The following TSHZ1 variants were observed in gnomAD, a reference collection of about 807,000 sequenced individuals.
TSHZ1 encodes teashirt homolog 1.
TSHZ1 carries 12 observed loss-of-function variants against 67.1 expected under a neutral mutation model. That is an observed-to-expected ratio of 0.18 (90% CI 0.11 to 0.29). The LOEUF (loss-of-function observed/expected upper bound fraction) is 0.29. Among genes scored for constraint, TSHZ1 ranks in the 10% least tolerant of loss-of-function variants. TSHZ1 has a pLI of 1.00. For missense variants in TSHZ1, 1,305 were observed against 1,413.9 expected, an observed-to-expected ratio of 0.92 and a Z score of 1.23; for synonymous variants, 632 against 622.4, an observed-to-expected ratio of 1.02 and a Z score of -0.23.
chr18:75,235,814 C>T (rs2023060194), intron 1 of TSHZ1, among the ~76,000 whole-genome samples: 1 of 152,198 alleles, frequency 6.6e-6, no homozygotes. Flanking sequence ...CCATGCCTCC[C>T]CGTGGTTTGG....
At position 75,286,277 on chromosome 18, in the gene TSHZ1, G is replaced by A; in HGVS notation, c.870G>A (p.Arg290=). The change falls in exon 2 of 2, where the codon AGG becomes AGA. Residue 290 remains arginine (R), a synonymous_variant. Coordinates refer to ENST00000580243, the MANE Select transcript of TSHZ1 (RefSeq NM_001308210.2). The surrounding 1 kb of genome is among the most constrained non-coding windows in gnomAD (Gnocchi z 5.1). The part of the protein sequence containing the change: ...SEKTKRWSKP[R]KRSLMEMEGK... ...AGACCAAGAGGTGGTCCAAGCCCAG[G>A]AAGCGCTCCCTGATGGAGATGGAGG... is the stretch of plus-strand genomic sequence containing the variant. The A allele has an allele frequency of 6.2e-7, 1 of 1,613,114 alleles. No individual in the cohort carries two copies. The highest frequency in any genetic ancestry group is 1.1e-5 in the South Asian group (1 of 91,064).
At chr18:75,260,542 T>C (rs2023418317) in intron 1 of TSHZ1, among the ~76,000 whole-genome samples, 1 of 152,200 alleles carries the variant, frequency 6.6e-6, no homozygotes, top group Admixed American at 6.5e-5. Context: ...AAGTCATCTT[T>C]TCCTTCTATT....
chr18:75,264,527 G>A (rs2122586389), intron 1 of TSHZ1, among the ~76,000 whole-genome samples: 1 of 150,538 alleles, frequency 6.6e-6, no homozygotes, highest in African/African-American at 2.5e-5. Flanking sequence ...GGAGAAGAAA[G>A]GGAAAGGGCT....
intron 1 of TSHZ1, among the ~76,000 whole-genome samples, chr18:75,264,339 A>G (rs1420442418): frequency 6.6e-6 from 1 of 152,218 alleles, no homozygotes; most frequent in African/African-American, 2.4e-5. Context: ...ACACTACAGA[A>G]GCTTTCAGCT....
At chr18:75,245,877 GA>G (rs367559140) in intron 1 of TSHZ1, among the ~76,000 whole-genome samples, 1,949 of 152,182 alleles carry the variant, frequency 0.013, 17 homozygotes, top group South Asian at 0.022. Flanking sequence ...TACCATAACA[GA>G]AAAAAAGTTG....
intron 1 of TSHZ1, among the ~76,000 whole-genome samples, chr18:75,234,416 T>G (rs2023040256): frequency 6.6e-6 from 1 of 152,192 alleles, no homozygotes; most frequent in Non-Finnish European, 1.5e-5. Context: ...CTCGTAAAGT[T>G]TTTGCACAGT....
rs2023404981 is a variant in TSHZ1 at position 75,259,533 on chromosome 18, A to G, written c.41-25915A>G. Among the ~76,000 whole-genome samples the G allele has an allele frequency of 2.0e-5, 3 of 152,142 alleles. No individual in the cohort carries two copies. The South Asian group carries it at 6.2e-4, about 32-fold the overall frequency. ...CACTTGCCCCGGTTAGTCACTTAGT[A>G]ACTGTCTTGGTTATCAAATCAACAG... On this transcript the variant is annotated intron_variant, in intron 1 of 1. Coordinates refer to ENST00000580243, the MANE Select transcript of TSHZ1 (RefSeq NM_001308210.2).
intron 1 of TSHZ1, among the ~76,000 whole-genome samples, chr18:75,221,825 G>A (rs1295596271): frequency 6.6e-6 from 1 of 152,034 alleles, no homozygotes; most frequent in Non-Finnish European, 1.5e-5. Flanking sequence ...GCCAAATCCG[G>A]GCAAATAATA....
At chr18:75,280,652 C>T in intron 1 of TSHZ1, 10 of 752,612 alleles carry the variant, frequency 1.3e-5, no homozygotes, top group Non-Finnish European at 1.6e-5. Context: ...CCCCAAGACT[C>T]TGTTTTCTTT....
In TSHZ1 at chr18:75,286,325, G is replaced by A. The variant is rs1464102654; in HGVS notation, c.918G>A (p.Val306=). 6.2e-7 allele frequency: 1 copy of A among 1,613,674 alleles called. No homozygotes were observed. The highest frequency in any genetic ancestry group is 8.5e-7 in the Non-Finnish European group (1 of 1,179,778). The change falls in exon 2 of 2, where the codon GTG becomes GTA. Residue 306 remains valine, a synonymous_variant. Transcript: ENST00000580243. The surrounding 1 kb of genome is among the most constrained non-coding windows in gnomAD (Gnocchi z 5.1). The stretch of plus-strand genomic sequence containing the variant: ...AGGGGAAGGAGGATGCCCAGAAGGT[G>A]CTGAAGTGCATGTACTGTGGACACT... ...EMEGKEDAQK[V]LKCMYCGHSF...
At chr18:75,226,561 T>C (rs1318860190) in intron 1 of TSHZ1, among the ~76,000 whole-genome samples, 1 of 152,064 alleles carries the variant, frequency 6.6e-6, no homozygotes, top group African/African-American at 2.4e-5. Context: ...TCGTTCAATC[T>C]GTTTTTCAAC....
chr18:75,243,199 C>T (rs765734799), intron 1 of TSHZ1, among the ~76,000 whole-genome samples: 2 of 152,178 alleles, frequency 1.3e-5, no homozygotes, highest in East Asian at 3.9e-4. Flanking sequence ...TTTAACTCTT[C>T]GTGGACTTTT....
chr18:75,277,073 G>C (rs142296945), intron 1 of TSHZ1, among the ~76,000 whole-genome samples: 12 of 152,276 alleles, frequency 7.9e-5, no homozygotes, highest in African/African-American at 2.9e-4. Flanking sequence ...TTTGGCAGAC[G>C]CTCTAATCAT....
chr18:75,243,629 G>A (rs1394519637), intron 1 of TSHZ1, among the ~76,000 whole-genome samples: 1 of 152,138 alleles, frequency 6.6e-6, no homozygotes, highest in African/African-American at 2.4e-5. Flanking sequence ...GTTGGAAAAG[G>A]GTCTCCTCCT....
chr18:75,220,410 G>A (rs574725955), intron 1 of TSHZ1, among the ~76,000 whole-genome samples: 142 of 152,224 alleles, frequency 9.3e-4, no homozygotes, highest in African/African-American at 3.3e-3. Flanking sequence ...GAATAAACAG[G>A]CCTCCTGTTA....
At chr18:75,254,823 G>A (rs1469602664) in intron 1 of TSHZ1, among the ~76,000 whole-genome samples, 1 of 152,112 alleles carries the variant, frequency 6.6e-6, no homozygotes, top group African/African-American at 2.4e-5. Context: ...ATTTTATTCA[G>A]CATGCTTTAA....
At chr18:75,252,834 T>C (rs1284391250) in intron 1 of TSHZ1, among the ~76,000 whole-genome samples, 1 of 152,218 alleles carries the variant, frequency 6.6e-6, no homozygotes, top group Non-Finnish European at 1.5e-5. Flanking sequence ...TTTTAAGTAC[T>C]ATATCTATAA....
intron 1 of TSHZ1, among the ~76,000 whole-genome samples, chr18:75,250,800 G>C (rs2023292688): frequency 6.6e-6 from 1 of 152,226 alleles, no homozygotes; most frequent in Non-Finnish European, 1.5e-5. Flanking sequence ...TTGATGTCCT[G>C]GCACAGACGA....
intron 1 of TSHZ1, among the ~76,000 whole-genome samples, chr18:75,256,271 A>G (rs2023360907): frequency 1.3e-5 from 2 of 152,208 alleles, no homozygotes; most frequent in Admixed American, 1.3e-4. Flanking sequence ...ATTGCAAAGC[A>G]GTTTTTGGTA....
Sources: gnomAD v4.1 joint callset for allele counts (sites outside exome capture counted in the v4.1 genomes callset) on GRCh38, gnomAD v4.1.1 for gene constraint, Gnocchi (gnomAD v3.1) non-coding constraint, MANE v1.5 for transcripts, NCBI Gene and HGNC (gene_info 2026-07-23, HGNC 2026-07-21) for gene names.